The following FRRS1 variants were observed in gnomAD, a reference collection of about 807,000 sequenced individuals.
The protein encoded by FRRS1 is ferric chelate reductase 1, also known as ferric reductase 1.
In FRRS1, 51 loss-of-function variants were observed where a neutral mutation model predicts 70.7. The ratio of observed to expected loss-of-function variants is 0.72; its 90% confidence interval spans 0.58 to 0.91. FRRS1 has a LOEUF of 0.91. Ranked by LOEUF, FRRS1 falls within the 40% of genes least tolerant of loss-of-function variation. The probability of loss-of-function intolerance (pLI) is 0.00; values close to 1 mark genes in which losing one functional copy is unlikely to be tolerated. For synonymous variants in FRRS1, 225 were observed against 238.7 expected (o/e 0.94, Z 0.53); for missense variants, 672 against 726.0 (o/e 0.93, Z 0.86).
intron 1 of FRRS1, among the ~76,000 whole-genome samples, chr1:99,762,479 C>CTTTT (rs34305090): frequency 1.4e-5 from 2 of 139,998 alleles, no homozygotes; most frequent in Non-Finnish European, 3.1e-5. Context: ...TTTTTTTTCC[C>CTTTT]TTTTTTTTTT....
intron 9 of FRRS1, among the ~76,000 whole-genome samples, chr1:99,722,617 G>C (rs1429337134): frequency 6.6e-6 from 1 of 151,992 alleles, no homozygotes; most frequent in Non-Finnish European, 1.5e-5. Flanking sequence ...CTCAATCACT[G>C]CCCAAAAGAC....
At chr1:99,746,808 T>C (rs1656294789) in intron 4 of FRRS1, among the ~76,000 whole-genome samples, 1 of 152,184 alleles carries the variant, frequency 6.6e-6, no homozygotes, top group Non-Finnish European at 1.5e-5. Context: ...TATAGAAACA[T>C]TTTTAAGAAA....
At chr1:99,709,319 T>TA (rs1557681225) in intron 15 of FRRS1, 60 bp from the exon 16 acceptor site, 9 of 1,253,738 alleles carry the variant, frequency 7.2e-6, no homozygotes, top group African/African-American at 6.0e-5. Context: ...ATTAAATTTT[T>TA]TAAAAAAACC....
chr1:99,740,747 C>T (rs181855753), intron 6 of FRRS1, 46 bp downstream of exon 6: 25 of 1,358,164 alleles, frequency 1.8e-5, no homozygotes, highest in Non-Finnish European at 2.6e-5. Flanking sequence ...GCCTGGGCAA[C>T]ATGGTGAAAC....
chr1:99,722,197 A>G (rs1243340476), intron 9 of FRRS1, among the ~76,000 whole-genome samples: 1 of 151,432 alleles, frequency 6.6e-6, no homozygotes, highest in Admixed American at 6.6e-5. Flanking sequence ...TTTTGTGGAG[A>G]TGGGTTTCAT....
Position 99,747,427 on chromosome 1 carries a change from G to A in FRRS1, c.200C>T (p.Thr67Ile), listed in dbSNP as rs1170031969. The A allele has an allele frequency of 1.2e-6, 2 of 1,606,974 alleles. No homozygotes were observed. Among genetic ancestry groups the A allele is most frequent in the Admixed American group, 1.7e-5 (1 of 57,958 alleles). ...GCCTTTAAATGGATGCCCTGACAAA[G>A]TAACTGAGAAAAAGACAAAAGGGTT... Reference protein sequence around the residue: ...TFRPGDQIEVTLSGHPFKGFL... With the variant: ...TFRPGDQIEVILSGHPFKGFL... The change falls in exon 4 of 17, where the codon ACT (threonine) becomes ATT (isoleucine). Residue 67 changes from threonine (T) to isoleucine (I), a missense_variant. Coordinates refer to ENST00000646001, the MANE Select transcript of FRRS1 (RefSeq NM_001361041.2).
In FRRS1 at chr1:99,717,476, C is replaced by A; in HGVS notation, c.1170G>T (p.Leu390=). ...AWMTTVSIGV[L]VARFFKPVWS... ...AAACTGGCTTGAAGAACCGGGCAACCAGTACACCTATGCTAACAGTAGTCA... is the reference window on the plus strand; with the variant it reads ...AAACTGGCTTGAAGAACCGGGCAACAAGTACACCTATGCTAACAGTAGTCA... The change falls in exon 11 of 17, where the codon CTG becomes CTT. Residue 390 remains leucine, a synonymous_variant. Transcript: ENST00000646001. The A allele has an allele frequency of 6.2e-7, 1 of 1,614,080 alleles. No homozygotes were observed. The highest frequency in any genetic ancestry group is 8.5e-7 in the Non-Finnish European group (1 of 1,179,950).
chr1:99,753,263 G>A (rs560161294), intron 1 of FRRS1, among the ~76,000 whole-genome samples: 129 of 144,648 alleles, frequency 8.9e-4, no homozygotes, highest in Non-Finnish European at 1.3e-3. Context: ...GCTCATGCCT[G>A]TAATCCCAGC....
chr1:99,743,924 G>A lies in FRRS1; in HGVS notation c.334-1651C>T, dbSNP rs147011251. Among the ~76,000 whole-genome samples, 626 of 152,120 alleles carry A rather than the reference G, an allele frequency of 4.1e-3. 15 individuals are homozygous for A. Among genetic ancestry groups the A allele is most frequent in the East Asian group, 0.04 (205 of 5,176 alleles). Reference sequence around the variant, plus strand: ...CCATACGAAGTGCCACTAGTGATGCGGTAAGAGTTCTCAAGAAGCAGAGAA... The same window carrying A: ...CCATACGAAGTGCCACTAGTGATGCAGTAAGAGTTCTCAAGAAGCAGAGAA... On this transcript the variant is annotated intron_variant, in intron 4 of 16. Coordinates refer to ENST00000646001, the MANE Select transcript of FRRS1 (RefSeq NM_001361041.2).
At chr1:99,755,263 T>TAA (rs35535608) in intron 1 of FRRS1, among the ~76,000 whole-genome samples, 94 of 146,542 alleles carry the variant, frequency 6.4e-4, no homozygotes, top group Admixed American at 5.4e-4. Context: ...TCCAAAAATT[T>TAA]AAAAAAAAAA....
At chr1:99,716,121 T>C (rs761436806) in intron 11 of FRRS1, among the ~76,000 whole-genome samples, 3 of 152,222 alleles carry the variant, frequency 2.0e-5, no homozygotes, top group Non-Finnish European at 4.4e-5. Context: ...AAGAAAAATA[T>C]GTGAACTATA....
rs560052768 is a variant in FRRS1 at position 99,704,857 on chromosome 1, C to T, written c.*4171G>A. On this transcript the variant is annotated 3_prime_UTR_variant, in exon 17 of 17. Coordinates refer to ENST00000646001, the MANE Select transcript of FRRS1 (RefSeq NM_001361041.2). The stretch of plus-strand genomic sequence containing the variant: ...TCAGAGGAGAGCCCAGGCAGTCTAG[C>T]GGCCCAACTCCAGGGGAAAACCATC... Among the ~76,000 whole-genome samples the T allele has an allele frequency of 3.3e-5, 5 of 152,184 alleles. No homozygotes were observed. In the South Asian group the frequency reaches 6.2e-4, roughly 19 times the overall value.
chr1:99,712,167 C>T lies in FRRS1; in HGVS notation c.1422-4G>A, dbSNP rs41285732. On this transcript the variant is annotated splice_polypyrimidine_tract_variant and splice_region_variant and intron_variant, in intron 13 of 16. Coordinates refer to ENST00000646001, the MANE Select transcript of FRRS1 (RefSeq NM_001361041.2). ...AGTCCAGTTAAACATTTGCCTTCTACCAAAATAAGAACCAGTCAGTATTCT... is the reference window on the plus strand; with the variant it reads ...AGTCCAGTTAAACATTTGCCTTCTATCAAAATAAGAACCAGTCAGTATTCT... The T allele has an allele frequency of 0.011, 16,801 of 1,599,574 alleles. 106 individuals are homozygous for T. Among genetic ancestry groups the T allele is most frequent in the Non-Finnish European group, 0.012 (14,236 of 1,167,894 alleles).
At chr1:99,714,245 G>A (rs1264140893) in intron 12 of FRRS1, among the ~76,000 whole-genome samples, 4 of 150,508 alleles carry the variant, frequency 2.7e-5, no homozygotes, top group Non-Finnish European at 5.9e-5. Context: ...GTGCAGTGGT[G>A]CGATCTCAGC....
chr1:99,719,789 A>G (rs1654724368), intron 9 of FRRS1, 142 bp from the exon 10 acceptor site: 2 of 583,934 alleles, frequency 3.4e-6, no homozygotes, highest in Non-Finnish European at 6.0e-6. Context: ...GATGTCATTC[A>G]TATGCAAAAG....
intron 6 of FRRS1, among the ~76,000 whole-genome samples, chr1:99,740,040 C>T (rs927836802): frequency 6.6e-6 from 1 of 152,132 alleles, no homozygotes; most frequent in Non-Finnish European, 1.5e-5. Context: ...AGATGAAATT[C>T]TAACTGATGA....
In FRRS1 at chr1:99,738,698, G is replaced by GAA. The variant is rs1655801479; in HGVS notation, c.577-431_577-430insTT. Among the ~76,000 whole-genome samples the GAA allele has an allele frequency of 5.3e-5, 8 of 152,250 alleles. No homozygotes were observed. In the South Asian group the frequency reaches 1.7e-3, roughly 32 times the overall value. ...GTATCCTCTAGTTCTCAGAGATGAA[G>GAA]ATTTAAAAAGCAAACAAATAAATAC... On this transcript the variant is annotated intron_variant, in intron 6 of 16. Coordinates refer to ENST00000646001, the MANE Select transcript of FRRS1 (RefSeq NM_001361041.2).
intron 1 of FRRS1, among the ~76,000 whole-genome samples, chr1:99,754,841 G>A (rs936357831): frequency 2.0e-4 from 30 of 152,218 alleles, no homozygotes; most frequent in African/African-American, 6.5e-4. Context: ...CCTGTTAAAC[G>A]CCAGATATTG....
Position 99,708,626 on chromosome 1 carries a change from ATATATATATATAT to A in FRRS1, c.*389_*401del, listed in dbSNP as rs1249541251. ...AAAAAAAAAAAAAAAAAAAAAAAAA[ATATATATATATAT>A]ATATATATATATATATATATATATC... On this transcript the variant is annotated 3_prime_UTR_variant, in exon 17 of 17. Coordinates refer to ENST00000646001, the MANE Select transcript of FRRS1 (RefSeq NM_001361041.2). 8.0e-4 allele frequency: 18 copies of A among 22,516 alleles called. No individual in the cohort carries two copies. The highest frequency in any genetic ancestry group is 1.4e-3 in the African/African-American group (9 of 6,560). 1.4% of individuals were successfully genotyped at this position (22,516 alleles called of 1,614,324 possible).
Sources: allele counts gnomAD v4.1 joint callset (sites outside exome capture counted in the v4.1 genomes callset), GRCh38; gene constraint gnomAD v4.1.1; transcripts MANE v1.5; gene names NCBI Gene and HGNC (gene_info 2026-07-23, HGNC 2026-07-21).